PTPRT: variants seen among roughly 807,000 people sequenced by gnomAD.
PTPRT encodes protein tyrosine phosphatase receptor type T.
Under a neutral mutation model 176.8 loss-of-function variants are expected in PTPRT, and 56 were observed. The observed-to-expected ratio is 0.32, with a 90% CI of 0.26 to 0.40. The LOEUF (loss-of-function observed/expected upper bound fraction) is 0.40. PTPRT is among the 10% of genes least tolerant of loss of function. The pLI, the probability that PTPRT is intolerant of heterozygous loss-of-function variation, is 1.00. For missense variants in PTPRT, 1,540 were observed against 1,908.2 expected (o/e 0.81, Z 3.60); for synonymous variants, 783 against 739.0 (o/e 1.06, Z -0.96).
chr20:42,230,022 C>T (rs1483045096), intron 15 of PTPRT, among the ~76,000 whole-genome samples: 2 of 152,136 alleles, frequency 1.3e-5, no homozygotes, highest in African/African-American at 4.8e-5. Flanking sequence ...AAGCAACATC[C>T]TTAAGACAAA....
At chr20:42,982,067 C>G (rs1983314666) in intron 1 of PTPRT, among the ~76,000 whole-genome samples, 2 of 152,334 alleles carry the variant, frequency 1.3e-5, no homozygotes, top group Admixed American at 6.5e-5. Context: ...CTAACAAACT[C>G]ATATAGCATC....
At chr20:42,125,727 T>C (rs1351116470) in intron 19 of PTPRT, among the ~76,000 whole-genome samples, 1 of 152,218 alleles carries the variant, frequency 6.6e-6, no homozygotes, top group African/African-American at 2.4e-5. Context: ...GCAATTTCGT[T>C]TGTTGCCTAT....
chr20:42,842,673 G>A (rs930546917), intron 2 of PTPRT, among the ~76,000 whole-genome samples: 2 of 152,192 alleles, frequency 1.3e-5, no homozygotes, highest in African/African-American at 2.4e-5. Context: ...GCCCACTTTC[G>A]CCTCTAAAAG....
chr20:42,448,234 T>G lies in PTPRT; in HGVS notation c.1546A>C (p.Ile516Leu). ...GACCTCCTTACCTCGTAGAGCGTGATGACCCCATTGGTCTCATTGGGAGGT... is the reference window on the plus strand; with the variant it reads ...GACCTCCTTACCTCGTAGAGCGTGAGGACCCCATTGGTCTCATTGGGAGGT... Reference protein sequence around the residue: ...WKPPNETNGVITLYEINYKAV... With the variant: ...WKPPNETNGVLTLYEINYKAV... Residue 516 changes from isoleucine (I) to leucine (L), a missense_variant, in exon 9 of 31, where the codon ATC becomes CTC. By Grantham distance (5) the Ile-to-Leu change is conservative. This residue lies in a region of PTPRT where 136 missense variants were observed against 135.0 expected (regional missense o/e 1.01). Transcript: ENST00000373187. 6.2e-7 allele frequency: 1 copy of G among 1,611,462 alleles called. No homozygotes were observed. Among genetic ancestry groups the G allele is most frequent in the Non-Finnish European group, 8.5e-7 (1 of 1,177,600 alleles).
chr20:43,094,001 TC>T (rs1480992509), intron 1 of PTPRT, among the ~76,000 whole-genome samples: 1 of 151,536 alleles, frequency 6.6e-6, no homozygotes, highest in Non-Finnish European at 1.5e-5. Context: ...ATGAGCCCCA[TC>T]CCCGTCATTC....
intron 2 of PTPRT, among the ~76,000 whole-genome samples, chr20:42,810,802 TTCCACC>T (rs2077687223): frequency 6.6e-6 from 1 of 152,206 alleles, no homozygotes; most frequent in African/African-American, 2.4e-5. Flanking sequence ...ACTAGATTAC[TTCCACC>T]ATAGAAGTCT....
At chr20:42,524,428 C>A (rs1601189741) in intron 7 of PTPRT, among the ~76,000 whole-genome samples, 1 of 152,148 alleles carries the variant, frequency 6.6e-6, no homozygotes, top group African/African-American at 2.4e-5. Context: ...AGGTTTGTTT[C>A]TTTCCTTCTC....
intron 6 of PTPRT, among the ~76,000 whole-genome samples, chr20:42,734,543 A>C (rs2146273494): frequency 6.6e-6 from 1 of 152,330 alleles, no homozygotes; most frequent in East Asian, 1.9e-4. Context: ...CCAGGGGAAA[A>C]GAATTAGCAC....
intron 7 of PTPRT, among the ~76,000 whole-genome samples, chr20:42,598,220 T>TTATATTTATATATAAGTCC (rs1437782488): frequency 6.6e-6 from 1 of 152,224 alleles, no homozygotes; most frequent in Non-Finnish European, 1.5e-5. Flanking sequence ...TAAGTCCATC[T>TTATATTTATATATAAGTCC]ACACTTATAT....
chr20:42,650,826 G>T (rs2075016161), intron 7 of PTPRT, among the ~76,000 whole-genome samples: 1 of 152,106 alleles, frequency 6.6e-6, no homozygotes, highest in African/African-American at 2.4e-5. Context: ...ACTCATCTCT[G>T]CCAGTGTGTC....
chr20:42,106,863 C>T lies in PTPRT; in HGVS notation c.3313G>A (p.Glu1105Lys), dbSNP rs763584414. 18 of 1,614,026 alleles carry T rather than the reference C, an allele frequency of 1.1e-5. No homozygotes were observed. Among genetic ancestry groups the T allele is most frequent in the Admixed American group, 1.7e-5 (1 of 59,998 alleles). ...IAIDTMLDMAENEGVVDIFNC... is the reference protein window; with the variant it reads ...IAIDTMLDMAKNEGVVDIFNC... ...AAGATGTCCACCACCCCTTCATTCTCGGCCATGTCAAGCATGGTGTCAATG... is the reference window on the plus strand; with the variant it reads ...AAGATGTCCACCACCCCTTCATTCTTGGCCATGTCAAGCATGGTGTCAATG... The change falls in exon 24 of 31, where the codon GAG becomes AAG. Residue 1105 changes from glutamate (E) to lysine (K), a missense_variant. Glu to Lys is a moderately conservative substitution (Grantham distance 56). Around this residue, in one of 11 missense-constraint regions of PTPRT, gnomAD observed 248 missense variants for 356.7 expected, o/e 0.70. Coordinates refer to ENST00000373187, the MANE Select transcript of PTPRT (RefSeq NM_007050.6).
intron 2 of PTPRT, among the ~76,000 whole-genome samples, chr20:42,865,499 T>C (rs1348934916): frequency 6.6e-6 from 1 of 152,178 alleles, no homozygotes; most frequent in Admixed American, 6.5e-5. Flanking sequence ...CACATAGCTG[T>C]GAATGGAAAA....
At chr20:42,203,588 TG>T (rs2055377721) in intron 15 of PTPRT, among the ~76,000 whole-genome samples, 2 of 152,246 alleles carry the variant, frequency 1.3e-5, no homozygotes, top group Non-Finnish European at 2.9e-5. Context: ...GGCTTCTCCC[TG>T]CTCTTCTACA....
chr20:43,136,990 G>A (rs1331507222), intron 1 of PTPRT, among the ~76,000 whole-genome samples: 3 of 152,104 alleles, frequency 2.0e-5, no homozygotes, highest in Admixed American at 2.0e-4. Flanking sequence ...TCCAGTGTTT[G>A]GCAGGAGAAC....
chr20:43,111,226 G>A (rs1270963154), intron 1 of PTPRT, among the ~76,000 whole-genome samples: 7 of 152,058 alleles, frequency 4.6e-5, no homozygotes, highest in African/African-American at 1.7e-4. Flanking sequence ...TCATACTACT[G>A]TGTCTGATCA....
At chr20:42,923,157 C>G (rs1395998794) in intron 1 of PTPRT, among the ~76,000 whole-genome samples, 1 of 151,912 alleles carries the variant, frequency 6.6e-6, no homozygotes, top group Non-Finnish European at 1.5e-5. Context: ...TGTTCAGCCC[C>G]TGCACCTGGA....
intron 7 of PTPRT, among the ~76,000 whole-genome samples, chr20:42,575,202 ACCCGT>A (rs1421662607): frequency 2.0e-5 from 3 of 151,996 alleles, no homozygotes; most frequent in Non-Finnish European, 1.5e-5. Flanking sequence ...CAGCCAAGAG[ACCCGT>A]CCCTTGGTCA....
intron 13 of PTPRT, among the ~76,000 whole-genome samples, chr20:42,271,543 C>G (rs1568727218): frequency 1.3e-5 from 2 of 152,320 alleles, no homozygotes; most frequent in Non-Finnish European, 2.9e-5. Flanking sequence ...TACTAGTGTA[C>G]TCATGTGGCC....
chr20:42,524,397 A>G (rs2072232008), intron 7 of PTPRT, among the ~76,000 whole-genome samples: 1 of 152,076 alleles, frequency 6.6e-6, no homozygotes, highest in African/African-American at 2.4e-5. Flanking sequence ...TACCCATACT[A>G]TCAACCATGT....
Sources: allele counts gnomAD v4.1 joint callset (sites outside exome capture counted in the v4.1 genomes callset), GRCh38; gene constraint gnomAD v4.1.1; regional missense constraint gnomAD v4.1.1; transcripts MANE v1.5; gene names NCBI Gene and HGNC (gene_info 2026-07-23, HGNC 2026-07-21).